Variants in KIAA1549L observed in about 807,000 individuals in gnomAD.
The protein encoded by KIAA1549L is KIAA1549 like, also known as UPF0606 protein KIAA1549L.
A neutral mutation model predicts 160.7 loss-of-function variants in KIAA1549L; 88 were observed. That is an observed-to-expected ratio of 0.55 (90% CI 0.46 to 0.65). KIAA1549L has a LOEUF of 0.65. KIAA1549L is among the 30% of genes least tolerant of loss of function. The pLI is 0.00. For synonymous variants in KIAA1549L, 950 were observed against 976.7 expected, an observed-to-expected ratio of 0.97 and a Z score of 0.51; for missense variants, 2,258 against 2,437.5, an observed-to-expected ratio of 0.93 and a Z score of 1.55.
chr11:33,469,847 G>A (rs1175629260), intron 1 of KIAA1549L, among the ~76,000 whole-genome samples: 1 of 152,062 alleles, frequency 6.6e-6, no homozygotes, highest in African/African-American at 2.4e-5. Flanking sequence ...AAATCCTTTG[G>A]CCATTACAAA....
At chr11:33,444,194 ATTAT>A (rs1349688830) in intron 1 of KIAA1549L, among the ~76,000 whole-genome samples, 1 of 152,244 alleles carries the variant, frequency 6.6e-6, no homozygotes, top group East Asian at 1.9e-4. Context: ...AGAATGAAAT[ATTAT>A]TTATTCATTG....
intron 20 of KIAA1549L, among the ~76,000 whole-genome samples, chr11:33,666,068 A>C (rs1311953868): frequency 2.0e-5 from 3 of 152,166 alleles, no homozygotes; most frequent in Non-Finnish European, 4.4e-5. Flanking sequence ...AGCAGTACCC[A>C]GGGCAGATCC....
At chr11:33,413,058 T>C (rs1294284404) in intron 1 of KIAA1549L, among the ~76,000 whole-genome samples, 1 of 152,090 alleles carries the variant, frequency 6.6e-6, no homozygotes, top group Non-Finnish European at 1.5e-5. Context: ...CAAAGCCAGG[T>C]CTGGGGAACA....
At chr11:33,499,707 C>G (rs926922245) in intron 1 of KIAA1549L, among the ~76,000 whole-genome samples, 5 of 152,200 alleles carry the variant, frequency 3.3e-5, no homozygotes, top group Admixed American at 6.5e-5. Context: ...ATCATTTCAT[C>G]ACATTGTAAT....
intron 1 of KIAA1549L, among the ~76,000 whole-genome samples, chr11:33,486,568 T>A (rs1361144189): frequency 6.6e-6 from 1 of 152,242 alleles, no homozygotes; most frequent in South Asian, 2.1e-4. Context: ...TAATTAAGTC[T>A]TTGTAATAAA....
chr11:33,587,015 A>G (rs542152637), intron 11 of KIAA1549L, among the ~76,000 whole-genome samples: 2 of 152,350 alleles, frequency 1.3e-5, no homozygotes, highest in South Asian at 2.1e-4. Context: ...TGGAACAACA[A>G]TAGGAAAGTT....
In KIAA1549L at chr11:33,600,748, G is replaced by A. The variant is rs188854079; in HGVS notation, c.4879+1801G>A. On this transcript the variant is annotated intron_variant, in intron 13 of 20. Transcript: ENST00000658780. ...TACACATGTATCTTTGTTTTTTGTT[G>A]TAATGCTTTATTTTGTTTTATTAAA... Among the ~76,000 whole-genome samples the A allele has an allele frequency of 1.1e-3, 165 of 152,100 alleles. No homozygotes were observed. The Middle Eastern group carries it at 0.027, about 25-fold the overall frequency.
At chr11:33,420,287 G>A (rs570041000) in intron 1 of KIAA1549L, among the ~76,000 whole-genome samples, 1 of 144,526 alleles carries the variant, frequency 6.9e-6, no homozygotes, top group African/African-American at 2.5e-5. Flanking sequence ...AGGCTGGAGT[G>A]GCACTATCCT....
intron 1 of KIAA1549L, among the ~76,000 whole-genome samples, chr11:33,508,625 C>T (rs1853149311): frequency 6.6e-6 from 1 of 152,190 alleles, no homozygotes; most frequent in Admixed American, 6.5e-5. Context: ...AAATATAGTT[C>T]ACATCCACGT....
intron 1 of KIAA1549L, among the ~76,000 whole-genome samples, chr11:33,530,171 G>A (rs1046871449): frequency 6.6e-6 from 1 of 150,394 alleles, no homozygotes; most frequent in African/African-American, 2.5e-5. Flanking sequence ...GAGGCGGGTG[G>A]ATCATGAGGT....
intron 16 of KIAA1549L, among the ~76,000 whole-genome samples, chr11:33,623,912 G>A (rs7114092): frequency 0.68 from 103,015 of 152,016 alleles, 35,901 homozygotes; most frequent in African/African-American, 0.86. Context: ...GATCCCCTGC[G>A]TTCTGGACCC....
At chr11:33,651,642 T>G (rs1851889658) in intron 17 of KIAA1549L, among the ~76,000 whole-genome samples, 1 of 152,012 alleles carries the variant, frequency 6.6e-6, no homozygotes. Context: ...CTGTTACCCC[T>G]GTAGTGCCAC....
chr11:33,390,112 A>G (rs546394134), intron 1 of KIAA1549L, among the ~76,000 whole-genome samples: 23 of 152,360 alleles, frequency 1.5e-4, no homozygotes, highest in African/African-American at 4.6e-4. Context: ...AGGTTCTGCA[A>G]TTATCCCCAT....
chr11:33,647,055 T>G, intron 17 of KIAA1549L, among the ~76,000 whole-genome samples: 1 of 152,216 alleles, frequency 6.6e-6, no homozygotes. Context: ...TGTAAGGTAC[T>G]ATAAGAATGC....
chr11:33,483,676 G>T (rs1852460352), intron 1 of KIAA1549L, among the ~76,000 whole-genome samples: 2 of 152,126 alleles, frequency 1.3e-5, no homozygotes, highest in Admixed American at 1.3e-4. Context: ...AATCATGGGG[G>T]ATGGTTTCAC....
chr11:33,460,246 T>C (rs1261905287), intron 1 of KIAA1549L, among the ~76,000 whole-genome samples: 1 of 151,928 alleles, frequency 6.6e-6, no homozygotes, highest in Non-Finnish European at 1.5e-5. Flanking sequence ...AAGTAGAAAA[T>C]TGGCTTTTCA....
At chr11:33,619,879 A>G (rs1850913081) in intron 16 of KIAA1549L, among the ~76,000 whole-genome samples, 1 of 152,228 alleles carries the variant, frequency 6.6e-6, no homozygotes, top group Non-Finnish European at 1.5e-5. Context: ...TGTGATTAAA[A>G]ATCAGGCATT....
Position 33,544,918 on chromosome 11 carries a change from C to T in KIAA1549L, c.2925C>T (p.Ser975=). The T allele has an allele frequency of 6.2e-7, 1 of 1,613,372 alleles. No homozygotes were observed. Among genetic ancestry groups the T allele is most frequent in the Non-Finnish European group, 8.5e-7 (1 of 1,179,572 alleles). The change falls in exon 3 of 21, where the codon AGC becomes AGT. Residue 975 remains serine, a synonymous_variant. Coordinates refer to ENST00000658780, the MANE Select transcript of KIAA1549L (RefSeq NM_012194.3). The part of the protein sequence containing the change: ...PLAVASGPAK[S]SSMTTLAKNV... ...CCGTGGCCTCAGGACCAGCTAAGAG[C>T]AGTTCGATGACTACTCTTGCTAAAA... is the stretch of plus-strand genomic sequence containing the variant.
chr11:33,591,082 A>C (rs1850038104), intron 11 of KIAA1549L, among the ~76,000 whole-genome samples, 155 bp from the exon 12 acceptor site: 1 of 152,240 alleles, frequency 6.6e-6, no homozygotes, highest in African/African-American at 2.4e-5. Context: ...GATTTTGAAG[A>C]GACGGAAATA....
Sources: gnomAD v4.1 joint callset for allele counts (sites outside exome capture counted in the v4.1 genomes callset) on GRCh38, gnomAD v4.1.1 for gene constraint, MANE v1.5 for transcripts, NCBI Gene and HGNC (gene_info 2026-07-23, HGNC 2026-07-21) for gene names.